The following CCDC88C variants were observed in gnomAD, a reference collection of about 807,000 sequenced individuals.
CCDC88C encodes the protein protein Daple.
In CCDC88C, 131 loss-of-function variants were observed where a neutral mutation model predicts 198.8. That is an observed-to-expected ratio of 0.66 (90% confidence interval 0.57 to 0.76). The LOEUF is 0.76. Ranked by LOEUF, CCDC88C falls within the 30% of genes least tolerant of loss-of-function variation. CCDC88C has a pLI of 0.00. For missense variants in CCDC88C, 2,553 were observed against 2,631.6 expected (o/e 0.97, Z 0.65); for synonymous variants, 1,166 against 1,114.7 (o/e 1.05, Z -0.92).
intron 4 of CCDC88C, among the ~76,000 whole-genome samples, chr14:91,354,176 A>G (rs879354819): frequency 3.3e-5 from 5 of 152,170 alleles, no homozygotes; most frequent in Non-Finnish European, 5.9e-5. Flanking sequence ...GGAAACCACT[A>G]CTATACTTGG....
chr14:91,400,329 CG>C (rs967111383), intron 3 of CCDC88C, among the ~76,000 whole-genome samples: 1 of 152,228 alleles, frequency 6.6e-6, no homozygotes. Context: ...GGGAGGAGGA[CG>C]GGGGACCCCC....
At chr14:91,393,237 T>C (rs138328037) in intron 3 of CCDC88C, among the ~76,000 whole-genome samples, 10 of 152,242 alleles carry the variant, frequency 6.6e-5, no homozygotes, top group Non-Finnish European at 1.2e-4. Context: ...AGGGCAGCCC[T>C]GGAGGACAAG....
chr14:91,329,246 G>A (rs996073764), intron 10 of CCDC88C, among the ~76,000 whole-genome samples: 7 of 152,218 alleles, frequency 4.6e-5, no homozygotes, highest in African/African-American at 1.4e-4. Flanking sequence ...CCTATTCAAC[G>A]TCTTAGTGTG....
At chr14:91,394,008 T>C (rs1318477121) in intron 3 of CCDC88C, among the ~76,000 whole-genome samples, 2 of 152,184 alleles carry the variant, frequency 1.3e-5, no homozygotes, top group Non-Finnish European at 2.9e-5. Context: ...TTCCACACTT[T>C]AAAGGCACGT....
In CCDC88C at chr14:91,338,021, T is replaced by C. The variant is rs768897730; in HGVS notation, c.1034A>G (p.Tyr345Cys). Reference protein sequence around the residue: ...CKEKLHDVDFYKARMEELRED... With the variant: ...CKEKLHDVDFCKARMEELRED... ...GCTCCCTACCTCCATGCGGGCCTTG[T>C]AGAAGTCCACGTCGTGCAGCTTCTC... Residue 345 changes from tyrosine to cysteine, a missense_variant, in exon 10 of 30, where the codon TAC (tyrosine) becomes TGC (cysteine). Coordinates refer to ENST00000389857, the MANE Select transcript of CCDC88C (RefSeq NM_001080414.4). This position sits in a 1 kb window ranked among gnomAD's most constrained non-coding sequence, Gnocchi z 4.8. 5.6e-6 allele frequency: 9 copies of C among 1,612,246 alleles called. No homozygotes were observed. In the Admixed American group the frequency reaches 1.2e-4, roughly 21 times the overall value.
chr14:91,300,423 G>T (rs756571557), intron 20 of CCDC88C, among the ~76,000 whole-genome samples: 5 of 152,164 alleles, frequency 3.3e-5, no homozygotes, highest in Non-Finnish European at 7.3e-5. Context: ...TTATAAATAC[G>T]CTACTAGGTA....
At position 91,391,471 on chromosome 14, in the gene CCDC88C, T is replaced by G. The variant is rs1885501654; in HGVS notation, c.270+17188A>C. 5.9e-5 allele frequency among the ~76,000 whole-genome samples: 9 copies of G among 152,242 alleles called. No homozygotes were observed. In the South Asian group the frequency reaches 1.7e-3, roughly 28 times the overall value. On this transcript the variant is annotated intron_variant, in intron 3 of 29. Coordinates refer to ENST00000389857, the MANE Select transcript of CCDC88C (RefSeq NM_001080414.4). The stretch of plus-strand genomic sequence containing the variant: ...CCCTTACACAAATAACTCTCTGTGT[T>G]TCTTGCTTTTTAAAAGTCAGAAGTA...
At position 91,309,917 on chromosome 14, in the gene CCDC88C, C is replaced by T. The variant is rs979734927; in HGVS notation, c.2806G>A (p.Glu936Lys). 1 of 1,609,974 alleles carries T rather than the reference C, an allele frequency of 6.2e-7. No individual in the cohort carries two copies. The highest frequency in any genetic ancestry group is 8.5e-7 in the Non-Finnish European group (1 of 1,178,222). The change falls in exon 16 of 30, where the codon GAG (glutamate) becomes AAG (lysine). Residue 936 changes from glutamate (E) to lysine (K), a missense_variant. Physicochemically the swap from Glu to Lys is moderately conservative, Grantham distance 56. Transcript: ENST00000389857. Reference protein sequence around the residue: ...SELDKLSQELEKVGLNRELLL... With the variant: ...SELDKLSQELKKVGLNRELLL... ...AGCTCCCTGTTGAGGCCGACCTTCT[C>T]CAGTTCCTGGCTCAGCTTGTCCAGC... is the stretch of plus-strand genomic sequence containing the variant.
chr14:91,293,503 CCACGGCCTACCTTCCTGT>C (rs1890823963), intron 23 of CCDC88C, among the ~76,000 whole-genome samples: 1 of 144,934 alleles, frequency 6.9e-6, no homozygotes, highest in African/African-American at 2.6e-5. Context: ...TCCTCACCTG[CCACGGCCTACCTTCCTGT>C]CCCCTCACCT....
chr14:91,294,384 G>T, intron 22 of CCDC88C, 66 bp from the exon 23 acceptor site: 1 of 1,568,560 alleles, frequency 6.4e-7, no homozygotes. Flanking sequence ...TGGGAACCTA[G>T]CTCCCAAAGG....
At chr14:91,388,191 G>A (rs1172936493) in intron 3 of CCDC88C, among the ~76,000 whole-genome samples, 6 of 152,198 alleles carry the variant, frequency 3.9e-5, no homozygotes, top group Non-Finnish European at 8.8e-5. Context: ...ACTGTGCTGC[G>A]GCCAGCAAGC....
intron 1 of CCDC88C, chr14:91,417,372 G>C (rs1047789375): frequency 1.7e-6 from 1 of 589,564 alleles, no homozygotes; most frequent in South Asian, 2.0e-5. Flanking sequence ...AGCGGGAACA[G>C]GTGTACCCGC....
chr14:91,356,148 A>G (rs1197586437), intron 4 of CCDC88C, among the ~76,000 whole-genome samples: 1 of 152,188 alleles, frequency 6.6e-6, no homozygotes, highest in Non-Finnish European at 1.5e-5. Context: ...TATTTTTACA[A>G]TTTAAAACTG....
At chr14:91,342,542 A>G (rs1239590633) in intron 5 of CCDC88C, 79 bp from the exon 6 acceptor site, 6 of 925,602 alleles carry the variant, frequency 6.5e-6, no homozygotes, top group Non-Finnish European at 1.0e-5. Context: ...ACAGAATGAC[A>G]GTTTCAAAAG....
intron 15 of CCDC88C, among the ~76,000 whole-genome samples, chr14:91,312,277 A>G (rs1297949899): frequency 1.3e-5 from 2 of 152,148 alleles, no homozygotes; most frequent in East Asian, 3.9e-4. Context: ...TAATCCCAAT[A>G]CTTAGGAGGC....
Position 91,294,182 on chromosome 14 carries a change from T to C in CCDC88C, c.4103A>G (p.Lys1368Arg). 1 of 1,614,018 alleles carries C rather than the reference T, an allele frequency of 6.2e-7. No individual in the cohort carries two copies. The highest frequency in any genetic ancestry group is 1.1e-5 in the South Asian group (1 of 91,086). ...ENKEQYHEEQ[K>R]QYIDKLNALR... ...GGGACTCCCTGCTTACATGTACTGC[T>C]TCTGCTCCTCATGGTACTGCTCCTT... Residue 1368 changes from lysine (K) to arginine (R), a missense_variant, in exon 23 of 30, where the codon AAG (lysine) becomes AGG (arginine). By Grantham distance (26) the Lys-to-Arg change is conservative (BLOSUM62 2). Transcript: ENST00000389857.
At chr14:91,345,709 G>A (rs1267945042) in intron 4 of CCDC88C, among the ~76,000 whole-genome samples, 2 of 151,926 alleles carry the variant, frequency 1.3e-5, no homozygotes, top group South Asian at 2.1e-4. Context: ...ATCCTGTTTC[G>A]TCATTCTGAG....
In CCDC88C at chr14:91,304,419, C is replaced by CA. The variant is rs1049151933; in HGVS notation, c.3358-442dup. Among the ~76,000 whole-genome samples, 230 of 151,182 alleles carry CA rather than the reference C, an allele frequency of 1.5e-3. 1 individual carries two copies. Among genetic ancestry groups the CA allele is most frequent in the African/African-American group, 4.8e-3 (196 of 41,230 alleles). On this transcript the variant is annotated intron_variant, in intron 19 of 29. Transcript: ENST00000389857. ...GCAACATAGTGAGACCCCATCTCTA[C>CA]AAAAAAAAAGTATTTTTAACTTAGC... is the stretch of plus-strand genomic sequence containing the variant.
At chr14:91,296,701 C>T (rs1891020011) in intron 22 of CCDC88C, among the ~76,000 whole-genome samples, 2 of 152,220 alleles carry the variant, frequency 1.3e-5, no homozygotes, top group East Asian at 1.9e-4. Flanking sequence ...TCTCAAAGAG[C>T]AAACCTTGTC....
Sources: gnomAD v4.1 joint callset for allele counts (sites outside exome capture counted in the v4.1 genomes callset) on GRCh38, gnomAD v4.1.1 for gene constraint, Gnocchi (gnomAD v3.1) non-coding constraint, MANE v1.5 for transcripts, NCBI Gene and HGNC (gene_info 2026-07-23, HGNC 2026-07-21) for gene names.